The following PTPRN2 variants were observed in gnomAD, a reference collection of about 807,000 sequenced individuals.
PTPRN2 encodes the protein receptor-type tyrosine-protein phosphatase N2.
PTPRN2 carries 74 observed loss-of-function variants against 118.8 expected under a neutral mutation model. The observed-to-expected ratio is 0.62, with a 90% CI of 0.52 to 0.76. PTPRN2 has a LOEUF of 0.76. Ranked by LOEUF, PTPRN2 falls within the 30% of genes least tolerant of loss-of-function variation. The pLI is 0.00. For missense variants in PTPRN2, 1,481 were observed against 1,394.4 expected (o/e 1.06, Z -0.99); for synonymous variants, 641 against 608.0 (o/e 1.05, Z -0.80).
chr7:158,445,164 C>T (rs1182183989), intron 2 of PTPRN2, among the ~76,000 whole-genome samples: 1 of 152,226 alleles, frequency 6.6e-6, no homozygotes, highest in Non-Finnish European at 1.5e-5. Flanking sequence ...AGGGGGCAGG[C>T]CCTGGGTGAC....
intron 11 of PTPRN2, chr7:158,027,474 A>G (rs929256199): frequency 6.6e-6 from 1 of 152,242 alleles, no homozygotes; most frequent in Non-Finnish European, 1.5e-5. Context: ...TCTTGGCCAA[A>G]TCGTGAGTTC....
chr7:157,974,267 C>T lies in PTPRN2; in HGVS notation c.1724-75530G>A, dbSNP rs1802565585. 6.6e-6 allele frequency among the ~76,000 whole-genome samples: 1 copy of T among 152,206 alleles called. No individual in the cohort carries two copies. The highest frequency in any genetic ancestry group is 2.4e-5 in the African/African-American group (1 of 41,472). The stretch of plus-strand genomic sequence containing the variant: ...CCTCCCACTAGCATTTTCTCATCTC[C>T]AGCACGGTGTCAATGGTGCCACTCC... On this transcript the variant is annotated intron_variant, in intron 11 of 22. Transcript: ENST00000389418. This position sits in a 1 kb window ranked among gnomAD's most constrained non-coding sequence, Gnocchi z 4.0.
intron 3 of PTPRN2, among the ~76,000 whole-genome samples, chr7:158,226,642 G>A (rs974946893): frequency 1.1e-4 from 17 of 151,252 alleles, no homozygotes; most frequent in Non-Finnish European, 2.1e-4. Flanking sequence ...CAAGGTGCAC[G>A]CTGCATATGA....
intron 3 of PTPRN2, among the ~76,000 whole-genome samples, chr7:158,239,533 C>G (rs1424624466): frequency 6.6e-6 from 1 of 152,212 alleles, no homozygotes; most frequent in Non-Finnish European, 1.5e-5. Context: ...CCCATTCTCA[C>G]AGCAGCAGGA....
intron 8 of PTPRN2, among the ~76,000 whole-genome samples, chr7:158,136,294 C>T (rs1818803140): frequency 6.6e-6 from 1 of 152,186 alleles, no homozygotes; most frequent in African/African-American, 2.4e-5. Flanking sequence ...GAGCTGAACC[C>T]CTCAGGAATC....
intron 12 of PTPRN2, among the ~76,000 whole-genome samples, chr7:157,827,571 T>C (rs1204311453): frequency 6.6e-6 from 1 of 152,166 alleles, no homozygotes; most frequent in African/African-American, 2.4e-5. Flanking sequence ...ATTTCCCCCA[T>C]GGGGGCTGAG....
intron 1 of PTPRN2, among the ~76,000 whole-genome samples, chr7:158,524,858 T>G (rs1296923322): frequency 6.6e-6 from 1 of 151,624 alleles, no homozygotes; most frequent in African/African-American, 2.4e-5. Context: ...AATACTGCAT[T>G]TTTGATCCAT....
At chr7:158,418,895 G>A (rs1335095263) in intron 2 of PTPRN2, among the ~76,000 whole-genome samples, 1 of 152,266 alleles carries the variant, frequency 6.6e-6, no homozygotes, top group Non-Finnish European at 1.5e-5. Flanking sequence ...TTGTCACAGT[G>A]TACTACATCA....
intron 12 of PTPRN2, among the ~76,000 whole-genome samples, chr7:157,728,427 G>A (rs886357603): frequency 1.3e-5 from 2 of 152,216 alleles, no homozygotes; most frequent in East Asian, 3.9e-4. Flanking sequence ...CGCCCATGGC[G>A]GCTGGGGTTT....
intron 2 of PTPRN2, among the ~76,000 whole-genome samples, chr7:158,340,162 A>C (rs374131322): frequency 1.2e-5 from 1 of 84,698 alleles, no homozygotes; most frequent in Admixed American, 1.2e-4. Flanking sequence ...CTCTCACCAT[A>C]AGACCTGACA....
At chr7:158,270,907 C>CG (rs1798398590) in intron 3 of PTPRN2, among the ~76,000 whole-genome samples, 3 of 55,706 alleles carry the variant, frequency 5.4e-5, no homozygotes, top group African/African-American at 3.1e-4. Context: ...CCTGGACCAC[C>CG]CCCCCCACCT....
chr7:157,912,490 A>G (rs1798156650), intron 11 of PTPRN2, among the ~76,000 whole-genome samples: 1 of 152,174 alleles, frequency 6.6e-6, no homozygotes, highest in African/African-American at 2.4e-5. Flanking sequence ...TCCTGGTTTT[A>G]ATACAGTCTA....
chr7:158,373,345 G>T (rs1810251846), intron 2 of PTPRN2, among the ~76,000 whole-genome samples: 1 of 151,472 alleles, frequency 6.6e-6, no homozygotes, highest in Admixed American at 6.6e-5. Context: ...AAGGTTGAAG[G>T]CACTTCTATT....
chr7:158,511,690 AC>A, intron 1 of PTPRN2, among the ~76,000 whole-genome samples: 1 of 152,192 alleles, frequency 6.6e-6, no homozygotes, highest in East Asian at 1.9e-4. Context: ...GTCCCCGCAC[AC>A]CCCTGGGCAC....
At chr7:158,336,726 A>ATCCGACGCCCGCAGAC (rs1805627148) in intron 2 of PTPRN2, among the ~76,000 whole-genome samples, 1 of 125,090 alleles carries the variant, frequency 8.0e-6, no homozygotes, top group Admixed American at 8.0e-5. Context: ...TCACCAAAAG[A>ATCCGACGCCCGCAGAC]GCTGACGCCC....
chr7:157,581,212 G>A lies in PTPRN2; in HGVS notation c.2497-3072C>T, dbSNP rs553165903. On this transcript the variant is annotated intron_variant, in intron 17 of 22. Coordinates refer to ENST00000389418, the MANE Select transcript of PTPRN2 (RefSeq NM_002847.5). ...ACCACCATCCCTGGATCGAACCAAAGTCACCAACATGGACTGAAAATGAGC... is the reference window on the plus strand; with the variant it reads ...ACCACCATCCCTGGATCGAACCAAAATCACCAACATGGACTGAAAATGAGC... Among the ~76,000 whole-genome samples, 8 of 152,338 alleles carry A rather than the reference G, an allele frequency of 5.3e-5. No homozygotes were observed. In the South Asian group the frequency reaches 1.7e-3, roughly 32 times the overall value.
chr7:157,577,903 C>T (rs1200158773), intron 18 of PTPRN2, 118 bp downstream of exon 18: 43 of 1,312,452 alleles, frequency 3.3e-5, no homozygotes, highest in Admixed American at 5.3e-5. Flanking sequence ...ACATGGGGTG[C>T]GCTGAGCCTC....
intron 11 of PTPRN2, among the ~76,000 whole-genome samples, chr7:158,002,203 C>T (rs763129172): frequency 6.6e-6 from 1 of 152,194 alleles, no homozygotes; most frequent in Non-Finnish European, 1.5e-5. Flanking sequence ...GCGGGAAACA[C>T]GGCGTGGTCA....
intron 3 of PTPRN2, among the ~76,000 whole-genome samples, chr7:158,213,358 T>A (rs1827745956): frequency 6.6e-6 from 1 of 152,012 alleles, no homozygotes; most frequent in African/African-American, 2.4e-5. Flanking sequence ...TTTTTTCACA[T>A]GCAAATCTAG....
Sources: allele counts gnomAD v4.1 joint callset (sites outside exome capture counted in the v4.1 genomes callset), GRCh38; gene constraint gnomAD v4.1.1; non-coding constraint Gnocchi (gnomAD v3.1); transcripts MANE v1.5; gene names NCBI Gene and HGNC (gene_info 2026-07-23, HGNC 2026-07-21).